Variants in ST3GAL3 observed in about 807,000 individuals in gnomAD.
ST3GAL3 encodes ST3 beta-galactoside alpha-2,3-sialyltransferase 3, also known as CMP-N-acetylneuraminate-beta-1,4-galactoside alpha-2,3-sialyltransferase.
Under a neutral mutation model 50.1 loss-of-function variants are expected in ST3GAL3, and 21 were observed. The observed-to-expected ratio is 0.42, with a 90% CI of 0.30 to 0.60. The LOEUF (loss-of-function observed/expected upper bound fraction) is 0.60. Among genes scored for constraint, ST3GAL3 ranks in the 20% least tolerant of loss-of-function variants. The pLI is 0.19. For synonymous variants in ST3GAL3, 183 were observed against 190.0 expected (o/e 0.96, Z 0.30); for missense variants, 353 against 489.4 (o/e 0.72, Z 2.63).
chr1:43,893,809 C>T (rs1460733895), intron 5 of ST3GAL3, among the ~76,000 whole-genome samples: 8 of 152,118 alleles, frequency 5.3e-5, no homozygotes, highest in East Asian at 1.9e-4. Context: ...CCTCTCCCCT[C>T]GGCCCTGCCT....
chr1:43,711,831 T>A (rs1664915733), intron 1 of ST3GAL3, among the ~76,000 whole-genome samples: 1 of 152,212 alleles, frequency 6.6e-6, no homozygotes, highest in African/African-American at 2.4e-5. Context: ...AAAGTTAAAT[T>A]ATATTCAGGG....
At chr1:43,893,357 A>G (rs2076921857) in intron 5 of ST3GAL3, among the ~76,000 whole-genome samples, 1 of 152,214 alleles carries the variant, frequency 6.6e-6, no homozygotes, top group African/African-American at 2.4e-5. Context: ...GGTCCTGAGC[A>G]GGCCCCATTG....
chr1:43,742,006 C>G (rs1467481183), intron 2 of ST3GAL3, among the ~76,000 whole-genome samples: 5 of 152,092 alleles, frequency 3.3e-5, no homozygotes, highest in African/African-American at 1.2e-4. Context: ...AAGAGGGTCT[C>G]AGAAGTCTGT....
intron 2 of ST3GAL3, among the ~76,000 whole-genome samples, chr1:43,741,066 C>A (rs942024253): frequency 6.6e-6 from 1 of 152,096 alleles, no homozygotes; most frequent in African/African-American, 2.4e-5. Context: ...GTGGCTCATG[C>A]CTATAATCTC....
intron 3 of ST3GAL3, among the ~76,000 whole-genome samples, chr1:43,807,554 G>T (rs2154169955): frequency 6.6e-6 from 1 of 152,300 alleles, no homozygotes; most frequent in South Asian, 2.1e-4. Context: ...TTTTAAGCAG[G>T]ATTGTGATAT....
intron 5 of ST3GAL3, among the ~76,000 whole-genome samples, chr1:43,892,073 C>T (rs1034392206): frequency 5.3e-5 from 8 of 152,266 alleles, no homozygotes; most frequent in African/African-American, 9.6e-5. Context: ...CGTCCCAAGA[C>T]GCTGGGACTA....
intron 4 of ST3GAL3, among the ~76,000 whole-genome samples, chr1:43,829,960 T>C (rs1348876101): frequency 6.6e-6 from 1 of 150,966 alleles, no homozygotes; most frequent in African/African-American, 2.4e-5. Context: ...AGTGAGCATA[T>C]ATTGCAAAGC....
At chr1:43,901,317 A>G (rs1202045962) in intron 9 of ST3GAL3, among the ~76,000 whole-genome samples, 1 of 151,854 alleles carries the variant, frequency 6.6e-6, no homozygotes, top group Non-Finnish European at 1.5e-5. Context: ...ATTGGTTTTT[A>G]CCCTTCAGTG....
chr1:43,709,130 G>A (rs899778928), intron 1 of ST3GAL3, among the ~76,000 whole-genome samples: 1 of 152,182 alleles, frequency 6.6e-6, no homozygotes, highest in South Asian at 2.1e-4. Flanking sequence ...TGTATGAAGG[G>A]GAAGAAGTGA....
intron 1 of ST3GAL3, 185 bp downstream of exon 1, chr1:43,707,878 T>C (rs1043784459): frequency 2.0e-5 from 3 of 152,282 alleles, no homozygotes; most frequent in Admixed American, 6.5e-5. Context: ...GGGGGCCCAG[T>C]ACCTGGATGA....
At chr1:43,821,969 A>G (rs1389649596) in intron 4 of ST3GAL3, among the ~76,000 whole-genome samples, 2 of 152,242 alleles carry the variant, frequency 1.3e-5, no homozygotes, top group Non-Finnish European at 2.9e-5. Flanking sequence ...AAAAATTATT[A>G]TAAATAAAGT....
Position 43,757,440 on chromosome 1 carries a change from G to A in ST3GAL3, c.118+21060G>A, listed in dbSNP as rs74984638. On this transcript the variant is annotated intron_variant, in intron 2 of 11. Transcript: ENST00000347631. Reference sequence around the variant, plus strand: ...AGCCAGCAGCAATCAAGATAGAGTGGTACTGGTATAAAGATAGATATATAG... The same window carrying A: ...AGCCAGCAGCAATCAAGATAGAGTGATACTGGTATAAAGATAGATATATAG... Among the ~76,000 whole-genome samples the A allele has an allele frequency of 4.7e-3, 720 of 152,260 alleles. 3 individuals carry two copies. The highest frequency in any genetic ancestry group is 6.9e-3 in the Non-Finnish European group (469 of 68,016).
At chr1:43,715,381 C>T (rs577680333) in intron 1 of ST3GAL3, among the ~76,000 whole-genome samples, 1 of 152,084 alleles carries the variant, frequency 6.6e-6, no homozygotes, top group South Asian at 2.1e-4. Context: ...TGAGACCAGC[C>T]TGGGCAACAT....
rs530710328 is a variant in ST3GAL3, at chr1:43,804,681, GCAGA to G, written c.167-10206_167-10203del. 7.9e-5 allele frequency among the ~76,000 whole-genome samples: 12 copies of G among 152,324 alleles called. 1 individual carries two copies. The South Asian group carries it at 2.5e-3, about 32-fold the overall frequency. On this transcript the variant is annotated intron_variant, in intron 3 of 11. Coordinates refer to ENST00000347631, the MANE Select transcript of ST3GAL3 (RefSeq NM_006279.5). ...TGAAGGGCATTAAATAAACAGTGTG[GCAGA>G]CAGTTAGTTGCGCCTAAGAAGAGCC...
chr1:43,750,506 A>G (rs1203406695), intron 2 of ST3GAL3, among the ~76,000 whole-genome samples: 1 of 152,232 alleles, frequency 6.6e-6, no homozygotes. Context: ...AAAGAACTAA[A>G]TTAAAGTACT....
rs554773572 is a variant in ST3GAL3, at chr1:43,845,170, A to T, written c.302+6859A>T. 3.3e-5 allele frequency among the ~76,000 whole-genome samples: 5 copies of T among 152,076 alleles called. No individual in the cohort carries two copies. In the East Asian group the frequency reaches 9.7e-4, roughly 29 times the overall value. ...ACAAATTTTTGTATTTTTAGTAGAG[A>T]TGGTGTTTCGCCATGTTTGCCAGGC... On this transcript the variant is annotated intron_variant, in intron 5 of 11. Transcript: ENST00000347631.
chr1:43,761,810 G>A (rs976309120), intron 2 of ST3GAL3, among the ~76,000 whole-genome samples: 4 of 151,732 alleles, frequency 2.6e-5, no homozygotes, highest in Admixed American at 6.6e-5. Context: ...AATTAGCCGG[G>A]CATGGTGGTG....
At chr1:43,873,872 G>A (rs1326434250) in intron 5 of ST3GAL3, among the ~76,000 whole-genome samples, 1 of 152,086 alleles carries the variant, frequency 6.6e-6, no homozygotes, top group Non-Finnish European at 1.5e-5. Context: ...CAGGGAAGAG[G>A]TCCAGACTAT....
intron 1 of ST3GAL3, among the ~76,000 whole-genome samples, chr1:43,718,185 CTTTT>C (rs57506461): frequency 4.8e-5 from 4 of 83,378 alleles, no homozygotes; most frequent in Non-Finnish European, 6.5e-5. Context: ...ATCATTAAAT[CTTTT>C]TTTTTTTTTT....
Sources: gnomAD v4.1 joint callset for allele counts (sites outside exome capture counted in the v4.1 genomes callset) on GRCh38, gnomAD v4.1.1 for gene constraint, MANE v1.5 for transcripts, NCBI Gene and HGNC (gene_info 2026-07-23, HGNC 2026-07-21) for gene names.